CDKL5: variants seen among roughly 807,000 people sequenced by gnomAD.
The protein encoded by CDKL5 is cyclin-dependent kinase-like 5.
In CDKL5, 8 loss-of-function variants were observed where a neutral mutation model predicts 61.7. The ratio of observed to expected loss-of-function variants is 0.13; its 90% confidence interval spans 0.08 to 0.23. The LOEUF (loss-of-function observed/expected upper bound fraction) is 0.23, where lower values mean the gene tolerates loss of function less well. CDKL5 is among the 10% of genes least tolerant of loss of function. The probability of loss-of-function intolerance (pLI) is 1.00; values close to 1 mark genes in which losing one functional copy is unlikely to be tolerated. For synonymous variants in CDKL5, 275 were observed against 272.3 expected (o/e 1.01, Z -0.10); for missense variants, 440 against 734.5 (o/e 0.60, Z 4.63).
chrX:18,568,680 T>C (rs1351587024), intron 4 of CDKL5, among the ~76,000 whole-genome samples: 1 of 110,790 alleles, frequency 9.0e-6, no homozygotes, highest in Non-Finnish European at 1.9e-5. Flanking sequence ...TTTATTCCTG[T>C]CTATGTGTCT....
chrX:18,453,224 C>G (rs1310112951), intron 1 of CDKL5, among the ~76,000 whole-genome samples: 3 of 111,559 alleles, frequency 2.7e-5, no homozygotes, highest in Admixed American at 9.6e-5. Context: ...TATACTATCT[C>G]CTGTATAAAA....
chrX:18,513,489 TA>T (rs369731381), intron 3 of CDKL5, among the ~76,000 whole-genome samples: 1,654 of 106,855 alleles, frequency 0.015, 34 homozygotes, highest in African/African-American at 0.053. Context: ...ATAGATAACT[TA>T]AAAAAAAAAC....
chrX:18,582,525 T>G (rs1178458479), intron 7 of CDKL5, among the ~76,000 whole-genome samples: 1 of 111,653 alleles, frequency 9.0e-6, no homozygotes, highest in African/African-American at 3.2e-5. Context: ...ATTAAACATT[T>G]AAATTAAAAT....
rs147360614 is a variant in CDKL5 at position 18,560,330 on chromosome X, C to T, written c.100-4147C>T. Among the ~76,000 whole-genome samples, 27 of 111,722 alleles carry T rather than the reference C, an allele frequency of 2.4e-4. No individual in the cohort carries two copies. The East Asian group carries it at 7.0e-3, about 29-fold the overall frequency. ...ACTTTTTAACAATTGCCAAAAATGA[C>T]CTTTTCTAACAAACCAATAAAGTTA... On this transcript the variant is annotated intron_variant, in intron 3 of 17. Coordinates refer to ENST00000623535, the MANE Select transcript of CDKL5 (RefSeq NM_001323289.2).
At chrX:18,482,692 T>C (rs1030575791) in intron 1 of CDKL5, among the ~76,000 whole-genome samples, 1 of 110,733 alleles carries the variant, frequency 9.0e-6, no homozygotes, top group Non-Finnish European at 1.9e-5. Context: ...TTTTTTTTTT[T>C]CTTGGCACAA....
chrX:18,619,636 ATAAT>A, intron 15 of CDKL5, among the ~76,000 whole-genome samples: 1 of 112,057 alleles, frequency 8.9e-6, no homozygotes, highest in Middle Eastern at 4.6e-3. Flanking sequence ...TACAGGTCAT[ATAAT>A]GCTCAAATTG....
At chrX:18,470,568 AAT>A (rs1400569258) in intron 1 of CDKL5, among the ~76,000 whole-genome samples, 1 of 110,781 alleles carries the variant, frequency 9.0e-6, no homozygotes, top group African/African-American at 3.3e-5. Flanking sequence ...TGGTCAGAGA[AAT>A]AGAACCACTG....
At chrX:18,513,354 A>G (rs1018650114) in intron 3 of CDKL5, among the ~76,000 whole-genome samples, 9 of 111,787 alleles carry the variant, frequency 8.1e-5, no homozygotes, top group African/African-American at 2.6e-4. Flanking sequence ...CTCTTAGGAA[A>G]CCAACTCTAA....
chrX:18,614,443 G>A (rs1926656806), intron 15 of CDKL5, among the ~76,000 whole-genome samples: 1 of 112,158 alleles, frequency 8.9e-6, no homozygotes, highest in East Asian at 2.8e-4. Context: ...ATCAATCAGA[G>A]GACTGTGTCT....
At chrX:18,560,992 T>C (rs1924786713) in intron 3 of CDKL5, among the ~76,000 whole-genome samples, 1 of 111,913 alleles carries the variant, frequency 8.9e-6, no homozygotes, top group Non-Finnish European at 1.9e-5. Context: ...TATGTGATAG[T>C]ATTATAATTT....
chrX:18,499,267 T>C (rs1602226600), intron 1 of CDKL5, among the ~76,000 whole-genome samples: 1 of 111,626 alleles, frequency 9.0e-6, no homozygotes, highest in Admixed American at 9.6e-5. Flanking sequence ...GTTCTCTTTT[T>C]TTGTTATGCT....
intron 1 of CDKL5, among the ~76,000 whole-genome samples, chrX:18,496,783 C>T (rs1470347832): frequency 9.0e-6 from 1 of 111,074 alleles, no homozygotes; most frequent in Non-Finnish European, 1.9e-5. Flanking sequence ...GACTTAACCC[C>T]TGCTTTGCCT....
chrX:18,496,244 A>C (rs984609866), intron 1 of CDKL5, among the ~76,000 whole-genome samples: 1 of 112,179 alleles, frequency 8.9e-6, no homozygotes, highest in African/African-American at 3.2e-5. Flanking sequence ...ATTGTAGGTA[A>C]AATCATCAGT....
chrX:18,615,099 T>C (rs1926676759), intron 15 of CDKL5, among the ~76,000 whole-genome samples: 1 of 112,407 alleles, frequency 8.9e-6, no homozygotes. Flanking sequence ...TGTTGAACTT[T>C]AGTTGAGTCT....
Position 18,584,271 on chromosome X carries a change from C to T in CDKL5, c.472C>T (p.Arg158Cys). The change falls in exon 8 of 18, where the codon CGT (arginine) becomes TGT (cysteine). Residue 158 changes from arginine (R) to cysteine (C), a missense_variant. Physicochemically the swap from Arg to Cys is radical, Grantham distance 180. Coordinates refer to ENST00000623535, the MANE Select transcript of CDKL5 (RefSeq NM_001323289.2). Reference protein sequence around the residue: ...VLKLCDFGFARNLSEGNNANY... With the variant: ...VLKLCDFGFACNLSEGNNANY... ...ACTTTGCTATCTTTCAGGTTTTGCTCGTAATCTGTCAGAAGGCAATAATGC... is the reference window on the plus strand; with the variant it reads ...ACTTTGCTATCTTTCAGGTTTTGCTTGTAATCTGTCAGAAGGCAATAATGC... 1 of 1,196,024 alleles carries T rather than the reference C, an allele frequency of 8.4e-7. No individual in the cohort carries two copies. The highest frequency in any genetic ancestry group is 1.1e-6 in the Non-Finnish European group (1 of 881,367).
intron 1 of CDKL5, among the ~76,000 whole-genome samples, chrX:18,447,307 C>T (rs1374916343): frequency 8.1e-5 from 9 of 111,260 alleles, no homozygotes; most frequent in Non-Finnish European, 1.9e-5. Flanking sequence ...TTTCTCTGCC[C>T]ATTATCTTAT....
intron 19 of CDKL5, chrX:18,645,865 G>A: frequency 1.1e-6 from 1 of 871,727 alleles, no homozygotes; most frequent in Non-Finnish European, 1.6e-6. Context: ...GCATTTCCTA[G>A]TCTCCCTTGC....
At chrX:18,646,160 T>G in intron 20 of CDKL5, 1 of 1,199,736 alleles carries the variant, frequency 8.3e-7, no homozygotes, top group Non-Finnish European at 1.1e-6. Context: ...AACTTTTTTT[T>G]TTCCTTTCTG....
At chrX:18,433,999 G>C (rs952645440) in intron 1 of CDKL5, among the ~76,000 whole-genome samples, 3 of 112,110 alleles carry the variant, frequency 2.7e-5, no homozygotes, top group African/African-American at 9.7e-5. Flanking sequence ...AGACTGGATT[G>C]TGATGGGATT....
Sources: gnomAD v4.1 joint callset for allele counts (sites outside exome capture counted in the v4.1 genomes callset) on GRCh38, gnomAD v4.1.1 for gene constraint, MANE v1.5 for transcripts, NCBI Gene and HGNC (gene_info 2026-07-23, HGNC 2026-07-21) for gene names.